ANK3: variants seen among roughly 807,000 people sequenced by gnomAD.
ANK3 encodes ankyrin-3.
In ANK3, 57 loss-of-function variants were observed where a neutral mutation model predicts 370.9. The observed-to-expected ratio is 0.15, with a 90% CI of 0.12 to 0.19. The LOEUF (loss-of-function observed/expected upper bound fraction) is 0.19, where lower values mean the gene tolerates loss of function less well. ANK3 is among the 10% of genes least tolerant of loss of function. The pLI is 1.00. For synonymous variants in ANK3, 1,929 were observed against 1,946.3 expected (o/e 0.99, Z 0.23); for missense variants, 4,439 against 5,302.1 (o/e 0.84, Z 5.06).
Position 60,171,338 on chromosome 10 carries a change from T to C in ANK3, c.2478+970A>G, listed in dbSNP as rs75219967. Among the ~76,000 whole-genome samples the C allele has an allele frequency of 4.1e-3, 629 of 152,336 alleles. 4 individuals carry two copies. Among genetic ancestry groups the C allele is most frequent in the African/African-American group, 0.014 (602 of 41,586 alleles). ...GTTTCTAAAGACTAAGAATTATACA[T>C]TGAGTAACACTGCCAGATAACTCAA... is the stretch of plus-strand genomic sequence containing the variant. On this transcript the variant is annotated intron_variant, in intron 21 of 43. Coordinates refer to ENST00000280772, the MANE Select transcript of ANK3 (RefSeq NM_020987.5).
intron 1 of ANK3, among the ~76,000 whole-genome samples, chr10:60,307,577 C>A (rs746044725): frequency 6.6e-6 from 1 of 151,632 alleles, no homozygotes; most frequent in Admixed American, 6.6e-5. Context: ...TGAGCTCAAG[C>A]AATCCTCCTG....
rs182278524 is a variant in ANK3, at chr10:60,098,911, A to G, written c.3328+6994T>C. Among the ~76,000 whole-genome samples the G allele has an allele frequency of 2.9e-3, 446 of 152,332 alleles. 1 individual carries two copies. The highest frequency in any genetic ancestry group is 0.01 in the African/African-American group (427 of 41,582). ...GCAGAATGTCTGGAAACAATGATAT[A>G]CCTGCTTGTTTTTCCCTCCAGTTTT... On this transcript the variant is annotated intron_variant, in intron 28 of 43. Coordinates refer to ENST00000280772, the MANE Select transcript of ANK3 (RefSeq NM_020987.5).
At chr10:60,100,234 G>GTTTTTTTTTTTTTTTTTTTGTTTT (rs2090974908) in intron 28 of ANK3, among the ~76,000 whole-genome samples, 1 of 57,898 alleles carries the variant, frequency 1.7e-5, no homozygotes, top group African/African-American at 8.5e-5. Flanking sequence ...TTTTGCTATG[G>GTTTTTTTTTTTTTTTTTTTGTTTT]TTTTTTTTTT....
chr10:60,420,780 A>G (rs908876875), intron 2 of ANK3, among the ~76,000 whole-genome samples: 1 of 152,068 alleles, frequency 6.6e-6, no homozygotes, highest in Non-Finnish European at 1.5e-5. Context: ...AAAGGGAATA[A>G]AAAGTTACCT....
intron 1 of ANK3, among the ~76,000 whole-genome samples, chr10:60,365,787 T>C (rs1339225850): frequency 6.6e-6 from 1 of 152,156 alleles, no homozygotes; most frequent in African/African-American, 2.4e-5. Flanking sequence ...AAGGCCACAC[T>C]GTTAGTAAGC....
At chr10:60,384,546 C>T (rs1389637905) in intron 1 of ANK3, among the ~76,000 whole-genome samples, 1 of 152,130 alleles carries the variant, frequency 6.6e-6, no homozygotes, top group Non-Finnish European at 1.5e-5. Flanking sequence ...GTTAGACTGT[C>T]CAAATTGGAA....
intron 2 of ANK3, among the ~76,000 whole-genome samples, chr10:60,420,402 G>A (rs1048074541): frequency 6.6e-6 from 1 of 152,038 alleles, no homozygotes; most frequent in Non-Finnish European, 1.5e-5. Context: ...TCTAGCTGAA[G>A]AGAGAAGGAG....
intron 1 of ANK3, among the ~76,000 whole-genome samples, chr10:60,382,184 ACTTC>A (rs2061635427): frequency 6.6e-6 from 1 of 152,050 alleles, no homozygotes; most frequent in Non-Finnish European, 1.5e-5. Context: ...AAAATCTTGA[ACTTC>A]CTTCCTTCCA....
chr10:60,275,304 T>C (rs1039297100), intron 4 of ANK3, among the ~76,000 whole-genome samples: 2 of 152,188 alleles, frequency 1.3e-5, no homozygotes, highest in African/African-American at 4.8e-5. Flanking sequence ...GTGGTGCTAT[T>C]ATAAGCATGC....
intron 1 of ANK3, among the ~76,000 whole-genome samples, chr10:60,627,128 A>T (rs1216985789): frequency 6.6e-6 from 1 of 152,184 alleles, no homozygotes; most frequent in Non-Finnish European, 1.5e-5. Flanking sequence ...GGGTCACATC[A>T]GAAAAGAAAC....
At chr10:60,099,115 G>C (rs963036830) in intron 28 of ANK3, among the ~76,000 whole-genome samples, 2 of 152,112 alleles carry the variant, frequency 1.3e-5, no homozygotes, top group Non-Finnish European at 2.9e-5. Context: ...TCTGTGTGTA[G>C]AATGACCATA....
rs61497871 is a variant in ANK3, at chr10:60,089,459, TTGTGTGTGTGTGTGTGTGTGTG to T, written c.3329-1123_3329-1102del. On this transcript the variant is annotated intron_variant, in intron 28 of 43. Coordinates refer to ENST00000280772, the MANE Select transcript of ANK3 (RefSeq NM_020987.5). The stretch of plus-strand genomic sequence containing the variant: ...CCTCTCTCACTCCAGTCCATCCAGG[TTGTGTGTGTGTGTGTGTGTGTG>T]TGTGTGTGTGTGTGTGTGTGTGTGT... Among the ~76,000 whole-genome samples, 153 of 141,532 alleles carry T rather than the reference TTGTGTGTGTGTGTGTGTGTGTG, an allele frequency of 1.1e-3. 1 individual carries two copies. The highest frequency in any genetic ancestry group is 2.6e-3 in the African/African-American group (99 of 38,004). The allele number at this position is 141,532 out of a possible 152,430, so 92.9% of individuals were successfully genotyped here.
At chr10:60,692,439 G>A (rs958239061) in intron 1 of ANK3, among the ~76,000 whole-genome samples, 4 of 152,172 alleles carry the variant, frequency 2.6e-5, no homozygotes, top group Non-Finnish European at 5.9e-5. Flanking sequence ...AGGTATTTCT[G>A]TATATCTATT....
intron 1 of ANK3, among the ~76,000 whole-genome samples, chr10:60,692,054 T>C (rs755486524): frequency 6.6e-6 from 1 of 152,166 alleles, no homozygotes; most frequent in Non-Finnish European, 1.5e-5. Context: ...CATCATCAAG[T>C]AGACTGAACA....
At chr10:60,280,430 T>C (rs1345174656) in intron 1 of ANK3, among the ~76,000 whole-genome samples, 1 of 152,188 alleles carries the variant, frequency 6.6e-6, no homozygotes, top group Admixed American at 6.5e-5. Context: ...CTACAGTACA[T>C]AGCCATATGT....
At chr10:60,564,496 C>A (rs571663637) in intron 2 of ANK3, among the ~76,000 whole-genome samples, 1 of 152,302 alleles carries the variant, frequency 6.6e-6, no homozygotes, top group African/African-American at 2.4e-5. Flanking sequence ...TCAAGGTCTG[C>A]CAGCACACCA....
At chr10:60,112,224 A>G (rs908556956) in intron 26 of ANK3, among the ~76,000 whole-genome samples, 1 of 151,836 alleles carries the variant, frequency 6.6e-6, no homozygotes, top group Non-Finnish European at 1.5e-5. Flanking sequence ...TTTGATTTGT[A>G]GAGAATACAA....
intron 23 of ANK3, among the ~76,000 whole-genome samples, chr10:60,158,111 A>T (rs1266814112): frequency 6.6e-6 from 1 of 152,206 alleles, no homozygotes; most frequent in Non-Finnish European, 1.5e-5. Context: ...AAGATCAAGG[A>T]TAAAGAAAGA....
intron 2 of ANK3, among the ~76,000 whole-genome samples, chr10:60,506,122 A>G: frequency 6.6e-6 from 1 of 152,136 alleles, no homozygotes; most frequent in Admixed American, 6.6e-5. Context: ...AAAAAATAAA[A>G]CTGATGAGAG....
Sources: gnomAD v4.1 joint callset for allele counts (sites outside exome capture counted in the v4.1 genomes callset) on GRCh38, gnomAD v4.1.1 for gene constraint, MANE v1.5 for transcripts, NCBI Gene and HGNC (gene_info 2026-07-23, HGNC 2026-07-21) for gene names.